The following THEMIS variants were observed in gnomAD, a reference collection of about 807,000 sequenced individuals.
The protein encoded by THEMIS is protein THEMIS.
THEMIS carries 37 observed loss-of-function variants against 52.6 expected under a neutral mutation model. The ratio of observed to expected loss-of-function variants is 0.70; its 90% CI spans 0.54 to 0.93. The LOEUF (loss-of-function observed/expected upper bound fraction) is 0.93, where lower values mean the gene tolerates loss of function less well. THEMIS is among the 40% of genes least tolerant of loss of function. The pLI is 0.00. For synonymous variants in THEMIS, 292 were observed against 272.7 expected (o/e 1.07, Z -0.70); for missense variants, 808 against 763.1 (o/e 1.06, Z -0.69).
chr6:127,739,771 C>T (rs528248277), intron 4 of THEMIS, among the ~76,000 whole-genome samples: 1 of 152,330 alleles, frequency 6.6e-6, no homozygotes, highest in Admixed American at 6.5e-5. Context: ...TAATGCTGTA[C>T]CGTAACAAAT....
intron 4 of THEMIS, among the ~76,000 whole-genome samples, chr6:127,743,478 G>T (rs1033736460): frequency 6.6e-6 from 1 of 152,110 alleles, no homozygotes; most frequent in East Asian, 1.9e-4. Flanking sequence ...TCTGGAAAAA[G>T]AGTAAGACAG....
rs374913513 is a variant in THEMIS, at chr6:127,813,309, G to C, written c.1332C>G (p.Tyr444Ter). Residue 444 changes from tyrosine (Y) to a stop codon, truncating the protein, a stop_gained, in exon 4 of 6, where the codon TAC becomes TAG. Coordinates refer to ENST00000368248, the MANE Select transcript of THEMIS (RefSeq NM_001010923.3). LOFTEE classifies it high-confidence loss of function. ...ACTGTTTACAGAGCTCAGAAATCGGGTACTGTTTCTTATCATGAATCACCT... is the reference window on the plus strand; with the variant it reads ...ACTGTTTACAGAGCTCAGAAATCGGCTACTGTTTCTTATCATGAATCACCT... ...FVEVIHDKKQ[Y>*]PISELCKQFR... 1 of 1,613,962 alleles carries C rather than the reference G, an allele frequency of 6.2e-7. No individual in the cohort carries two copies.
At chr6:127,879,909 C>T (rs1222562386) in intron 1 of THEMIS, among the ~76,000 whole-genome samples, 2 of 152,050 alleles carry the variant, frequency 1.3e-5, no homozygotes, top group Non-Finnish European at 2.9e-5. Context: ...CCACCTCGGG[C>T]ACCTGATTTC....
intron 4 of THEMIS, among the ~76,000 whole-genome samples, chr6:127,807,939 GAAC>G (rs1777774274): frequency 6.6e-6 from 1 of 152,122 alleles, no homozygotes; most frequent in African/African-American, 2.4e-5. Flanking sequence ...CACTCCCCAG[GAAC>G]CATTGCTTTC....
At chr6:127,781,325 T>C (rs1276632579) in intron 4 of THEMIS, among the ~76,000 whole-genome samples, 2 of 152,036 alleles carry the variant, frequency 1.3e-5, no homozygotes, top group Non-Finnish European at 2.9e-5. Context: ...CTTCCTTGCA[T>C]GGGGTTAAAA....
the THEMIS span, among the ~76,000 whole-genome samples, chr6:127,701,873 C>T: frequency 6.6e-6 from 1 of 152,098 alleles, no homozygotes; most frequent in South Asian, 2.1e-4. Flanking sequence ...CTTTACCCTT[C>T]CTTAAAATTA....
chr6:127,741,810 A>G (rs1294422660), intron 4 of THEMIS, among the ~76,000 whole-genome samples: 1 of 152,220 alleles, frequency 6.6e-6, no homozygotes, highest in Non-Finnish European at 1.5e-5. Context: ...AAGAGAAGGA[A>G]CCATTAAAAT....
At chr6:127,797,265 C>T (rs1180513927) in intron 4 of THEMIS, among the ~76,000 whole-genome samples, 1 of 152,236 alleles carries the variant, frequency 6.6e-6, no homozygotes. Context: ...AAAAACTAAC[C>T]CTTTTTTTCA....
At chr6:127,795,033 T>C (rs1777281232) in intron 4 of THEMIS, among the ~76,000 whole-genome samples, 1 of 152,168 alleles carries the variant, frequency 6.6e-6, no homozygotes, top group Non-Finnish European at 1.5e-5. Context: ...AAATACATAA[T>C]CTTTGGTTTT....
the THEMIS span, among the ~76,000 whole-genome samples, chr6:127,702,492 T>C: frequency 6.6e-6 from 1 of 152,208 alleles, no homozygotes; most frequent in African/African-American, 2.4e-5. Flanking sequence ...TATTCTGCCT[T>C]CTTAAACTCT....
At chr6:127,703,652 A>G (rs1367599819), downstream of THEMIS, among the ~76,000 whole-genome samples, 1 of 152,216 alleles carries the variant, frequency 6.6e-6, no homozygotes, top group Non-Finnish European at 1.5e-5. Context: ...TCTAGCTCTC[A>G]TTCTTTATTA....
chr6:127,842,147 A>G (rs1779069583), intron 2 of THEMIS, among the ~76,000 whole-genome samples: 1 of 152,018 alleles, frequency 6.6e-6, no homozygotes, highest in Non-Finnish European at 1.5e-5. Flanking sequence ...TTTTTTGCAT[A>G]ATAATTTTCC....
intron 1 of THEMIS, among the ~76,000 whole-genome samples, chr6:127,891,402 G>T (rs1163422499): frequency 6.6e-6 from 1 of 151,850 alleles, no homozygotes; most frequent in Non-Finnish European, 1.5e-5. Flanking sequence ...CAGGCCTGGT[G>T]GCGGGCACCT....
At chr6:127,747,573 T>G (rs531967848) in intron 4 of THEMIS, among the ~76,000 whole-genome samples, 56 of 151,652 alleles carry the variant, frequency 3.7e-4, no homozygotes, top group South Asian at 2.3e-3. Context: ...GTTAAGGTAA[T>G]TAACCATCTA....
rs1406464841 is a variant in THEMIS at position 127,708,239 on chromosome 6, C to T, written c.*1746G>A. On this transcript the variant is annotated 3_prime_UTR_variant, in exon 6 of 6. Transcript: ENST00000368248. ...TTTATTTTCAACCTTCCCAAATCTC[C>T]AATAGGTGAGCATGAAGTTTATTAC... The T allele has an allele frequency of 1.3e-5, 2 of 151,938 alleles. No homozygotes were observed. Among genetic ancestry groups the T allele is most frequent in the Non-Finnish European group, 2.9e-5 (2 of 67,952 alleles). 9.4% of individuals were successfully genotyped at this position (151,938 alleles called of 1,614,324 possible).
chr6:127,703,035 G>GGTTTTTTTTTTTTTT, the THEMIS span, among the ~76,000 whole-genome samples: 285 of 82,372 alleles, frequency 3.5e-3, 55 homozygotes, highest in Non-Finnish European at 4.5e-3. Context: ...TTTAGAATGA[G>GGTTTTTTTTTTTTTT]TTTTTTTTTT....
At chr6:127,798,716 C>T (rs373888394) in intron 4 of THEMIS, among the ~76,000 whole-genome samples, 7 of 152,178 alleles carry the variant, frequency 4.6e-5, no homozygotes, top group Admixed American at 2.0e-4. Context: ...GACGGCCGGG[C>T]GCGGTGGCTC....
At chr6:127,854,282 G>A (rs753020824) in intron 2 of THEMIS, among the ~76,000 whole-genome samples, 4 of 151,816 alleles carry the variant, frequency 2.6e-5, no homozygotes, top group Non-Finnish European at 5.9e-5. Context: ...AGCTGCTTTC[G>A]TGCTACCACA....
chr6:127,853,023 T>C (rs367819729), intron 2 of THEMIS, among the ~76,000 whole-genome samples: 1 of 151,676 alleles, frequency 6.6e-6, no homozygotes, highest in South Asian at 2.1e-4. Context: ...ACTATTCTAA[T>C]AAGAAAAATT....
Sources: gnomAD v4.1 joint callset for allele counts (sites outside exome capture counted in the v4.1 genomes callset) on GRCh38, gnomAD v4.1.1 for gene constraint, MANE v1.5 for transcripts, NCBI Gene and HGNC (gene_info 2026-07-23, HGNC 2026-07-21) for gene names.